NTRK2: variants seen among roughly 807,000 people sequenced by gnomAD.
NTRK2 encodes the protein BDNF/NT-3 growth factors receptor.
In NTRK2, 13 loss-of-function variants were observed where a neutral mutation model predicts 94.5. That is an observed-to-expected ratio of 0.14 (90% CI 0.09 to 0.22). NTRK2 has a LOEUF of 0.22. NTRK2 is among the 10% of genes least tolerant of loss of function. NTRK2 has a pLI of 1.00. For synonymous variants in NTRK2, 372 were observed against 407.4 expected (o/e 0.91, Z 1.05); for missense variants, 639 against 1,071.2 (o/e 0.60, Z 5.63).
chr9:84,877,961 A>G lies in NTRK2; in HGVS notation c.1633+10530A>G. The G allele has an allele frequency of 4.0e-6, 4 of 1,007,858 alleles. No individual in the cohort carries two copies. The African/African-American group carries it at 6.9e-5, about 17-fold the overall frequency. The allele number at this position is 1,007,858 out of a possible 1,614,324, so 62.4% of individuals were successfully genotyped here. Reference sequence around the variant, plus strand: ...CTTTTTCTTACATAGACTTGAGAATATAATTCAACATTGGGATTCCTCAAG... The same window carrying G: ...CTTTTTCTTACATAGACTTGAGAATGTAATTCAACATTGGGATTCCTCAAG... On this transcript the variant is annotated intron_variant, in intron 14 of 18. Coordinates refer to ENST00000277120, the MANE Select transcript of NTRK2 (RefSeq NM_006180.6).
intron 17 of NTRK2, among the ~76,000 whole-genome samples, chr9:84,990,412 T>A (rs934781703): frequency 1.3e-5 from 2 of 152,232 alleles, no homozygotes; most frequent in African/African-American, 4.8e-5. Context: ...TTGCTCCATC[T>A]GAAAACCAAT....
intron 17 of NTRK2, among the ~76,000 whole-genome samples, chr9:84,995,422 T>C (rs577126548): frequency 1.3e-5 from 2 of 152,260 alleles, no homozygotes; most frequent in East Asian, 3.9e-4. Flanking sequence ...GGAATGCAAG[T>C]CTCACTTTGC....
At chr9:84,840,411 C>T (rs1402310613) in intron 12 of NTRK2, among the ~76,000 whole-genome samples, 2 of 151,922 alleles carry the variant, frequency 1.3e-5, no homozygotes, top group African/African-American at 4.8e-5. Context: ...CACAAGCCTC[C>T]CCAGACCATA....
At chr9:84,812,895 G>A (rs961332085) in intron 12 of NTRK2, 1 of 1,033,728 alleles carries the variant, frequency 9.7e-7, no homozygotes, top group African/African-American at 1.7e-5. Context: ...CATCTCCTAG[G>A]GAATGATGAA....
chr9:84,745,600 C>T (rs1272665844), intron 11 of NTRK2, among the ~76,000 whole-genome samples: 2 of 152,168 alleles, frequency 1.3e-5, no homozygotes, highest in African/African-American at 2.4e-5. Flanking sequence ...AGTGGAGGAG[C>T]AGATGTTTTG....
chr9:84,858,522 TC>T (rs1306644020), intron 12 of NTRK2, among the ~76,000 whole-genome samples: 3 of 152,054 alleles, frequency 2.0e-5, no homozygotes, highest in Non-Finnish European at 4.4e-5. Flanking sequence ...CAGTCAGTGT[TC>T]CTTCCTCTGC....
chr9:84,697,237 G>T (rs747482508), intron 2 of NTRK2, among the ~76,000 whole-genome samples: 1 of 152,204 alleles, frequency 6.6e-6, no homozygotes, highest in Non-Finnish European at 1.5e-5. Context: ...TTTCTGAGAA[G>T]ATGAAAACTC....
intron 12 of NTRK2, among the ~76,000 whole-genome samples, chr9:84,803,420 C>T (rs190654200): frequency 6.6e-6 from 1 of 152,214 alleles, no homozygotes; most frequent in African/African-American, 2.4e-5. Context: ...CCTGCAGCAG[C>T]GTCAGAAGCA....
chr9:84,880,089 T>A (rs2076209820), intron 14 of NTRK2, among the ~76,000 whole-genome samples: 1 of 152,242 alleles, frequency 6.6e-6, no homozygotes, highest in African/African-American at 2.4e-5. Flanking sequence ...CTGAAAAGTT[T>A]ACATTTTTAG....
At chr9:84,752,834 G>A (rs2064759859) in intron 12 of NTRK2, among the ~76,000 whole-genome samples, 1 of 152,198 alleles carries the variant, frequency 6.6e-6, no homozygotes, top group African/African-American at 2.4e-5. Context: ...TGCCAGTGTT[G>A]TATTTTGTGT....
At chr9:84,670,182 G>A (rs1401734225) in intron 1 of NTRK2, among the ~76,000 whole-genome samples, 195 bp from the exon 2 acceptor site, 3 of 152,144 alleles carry the variant, frequency 2.0e-5, no homozygotes, top group African/African-American at 7.2e-5. Flanking sequence ...AGAGAGAGTG[G>A]GCACACTGGT....
chr9:84,900,138 G>A (rs191641746), intron 14 of NTRK2, among the ~76,000 whole-genome samples: 81 of 152,288 alleles, frequency 5.3e-4, no homozygotes, highest in African/African-American at 1.8e-3. Context: ...AATCAGACCA[G>A]TTTCATTAGT....
intron 8 of NTRK2, among the ~76,000 whole-genome samples, chr9:84,725,406 A>G (rs1473625175): frequency 6.6e-6 from 1 of 152,176 alleles, no homozygotes; most frequent in Non-Finnish European, 1.5e-5. Context: ...CTCCAAACAT[A>G]TGCAAGCACT....
chr9:84,750,893 C>G (rs1343120919), intron 11 of NTRK2, among the ~76,000 whole-genome samples: 1 of 152,204 alleles, frequency 6.6e-6, no homozygotes, highest in Non-Finnish European at 1.5e-5. Context: ...GCAATGGTAG[C>G]AGAGTGATCG....
intron 14 of NTRK2, among the ~76,000 whole-genome samples, chr9:84,889,891 C>T (rs2076545334): frequency 6.6e-6 from 1 of 152,292 alleles, no homozygotes; most frequent in African/African-American, 2.4e-5. Flanking sequence ...AGCCTCACAG[C>T]TTGTACTCTT....
intron 14 of NTRK2, among the ~76,000 whole-genome samples, chr9:84,887,429 G>A (rs1177924998): frequency 6.6e-6 from 1 of 152,166 alleles, no homozygotes; most frequent in Non-Finnish European, 1.5e-5. Context: ...TCACCTCCTA[G>A]TGACTAGCAA....
At chr9:84,773,448 T>C (rs977445350) in intron 12 of NTRK2, among the ~76,000 whole-genome samples, 2 of 152,234 alleles carry the variant, frequency 1.3e-5, no homozygotes, top group African/African-American at 4.8e-5. Context: ...GTGCTCTCTC[T>C]ACCTGACTAT....
intron 13 of NTRK2, among the ~76,000 whole-genome samples, chr9:84,866,905 C>T (rs1411649474): frequency 6.6e-6 from 1 of 152,162 alleles, no homozygotes; most frequent in Admixed American, 6.5e-5. Context: ...AGTACTAATA[C>T]ATACTACAAT....
At chr9:84,925,049 A>G (rs1183630658) in intron 14 of NTRK2, among the ~76,000 whole-genome samples, 1 of 152,214 alleles carries the variant, frequency 6.6e-6, no homozygotes, top group Non-Finnish European at 1.5e-5. Context: ...CCCCAGTGCT[A>G]TGAGGGCTTG....
Sources: gnomAD v4.1 joint callset for allele counts (sites outside exome capture counted in the v4.1 genomes callset) on GRCh38, gnomAD v4.1.1 for gene constraint, MANE v1.5 for transcripts, NCBI Gene and HGNC (gene_info 2026-07-23, HGNC 2026-07-21) for gene names.